Variants in PPFIA2 observed in about 807,000 individuals in gnomAD.
PPFIA2 encodes the protein liprin-alpha-2.
PPFIA2 carries 46 observed loss-of-function variants against 175.5 expected under a neutral mutation model. That is an observed-to-expected ratio of 0.26 (90% CI 0.21 to 0.34). PPFIA2 has a LOEUF of 0.34. Among genes scored for constraint, PPFIA2 ranks in the 10% least tolerant of loss-of-function variants. PPFIA2 has a pLI of 1.00. For synonymous variants in PPFIA2, 568 were observed against 511.4 expected (o/e 1.11, Z -1.49); for missense variants, 1,179 against 1,506.1 (o/e 0.78, Z 3.60).
chr12:81,610,582 G>T (rs1283711777), intron 4 of PPFIA2, among the ~76,000 whole-genome samples: 2 of 152,102 alleles, frequency 1.3e-5, no homozygotes, highest in Admixed American at 1.3e-4. Context: ...TAGAAGTTCA[G>T]TTTGGTTCTT....
At chr12:81,543,503 A>G (rs1457744443) in intron 4 of PPFIA2, among the ~76,000 whole-genome samples, 1 of 152,218 alleles carries the variant, frequency 6.6e-6, no homozygotes, top group Non-Finnish European at 1.5e-5. Flanking sequence ...TGATGATATA[A>G]GTAAATAAAT....
At chr12:81,590,452 T>G (rs2058542444) in intron 4 of PPFIA2, among the ~76,000 whole-genome samples, 1 of 152,164 alleles carries the variant, frequency 6.6e-6, no homozygotes, top group Admixed American at 6.6e-5. Flanking sequence ...TTACCATTAG[T>G]ATCTTTTTTC....
chr12:81,494,876 T>C lies in PPFIA2; in HGVS notation c.304-37010A>G, dbSNP rs1401999722. Among the ~76,000 whole-genome samples the C allele has an allele frequency of 8.8e-5, 12 of 136,492 alleles. No homozygotes were observed. In the South Asian group the frequency reaches 1.9e-3, roughly 21 times the overall value. The allele number at this position is 136,492 out of a possible 152,430, so 89.5% of individuals were successfully genotyped here. A position where few individuals can be genotyped will look rare whatever the true frequency, so the allele number is the denominator to read the frequency against. The stretch of plus-strand genomic sequence containing the variant: ...ACCAAACACCGCATGTTCTCACTCA[T>C]AGGTGGGAATTGAACAATGAGAACA... On this transcript the variant is annotated intron_variant, in intron 4 of 32. Transcript: ENST00000549396.
intron 4 of PPFIA2, among the ~76,000 whole-genome samples, chr12:81,464,379 T>G (rs2055196576): frequency 6.6e-6 from 1 of 152,138 alleles, no homozygotes; most frequent in Non-Finnish European, 1.5e-5. Context: ...AAACCCATTC[T>G]ATTGTATGGC....
At chr12:81,485,412 T>C (rs1371629572) in intron 4 of PPFIA2, among the ~76,000 whole-genome samples, 3 of 151,810 alleles carry the variant, frequency 2.0e-5, no homozygotes, top group Non-Finnish European at 4.4e-5. Flanking sequence ...ATCCTTAACC[T>C]ATAAGTTAGT....
At chr12:81,741,768 A>G (rs1319849776) in intron 3 of PPFIA2, among the ~76,000 whole-genome samples, 1 of 152,164 alleles carries the variant, frequency 6.6e-6, no homozygotes, top group East Asian at 1.9e-4. Context: ...CTCAGAGAGC[A>G]TAGAGCCCAA....
intron 4 of PPFIA2, among the ~76,000 whole-genome samples, chr12:81,643,234 T>G (rs921517160): frequency 5.3e-5 from 8 of 151,806 alleles, no homozygotes; most frequent in African/African-American, 1.9e-4. Context: ...TGAAACTCAT[T>G]CAGAATAACT....
intron 7 of PPFIA2, among the ~76,000 whole-genome samples, chr12:81,424,236 A>G (rs955664062): frequency 2.0e-5 from 3 of 152,096 alleles, no homozygotes; most frequent in African/African-American, 7.2e-5. Context: ...ATAACTTGGG[A>G]AAAATAGATA....
intron 22 of PPFIA2, among the ~76,000 whole-genome samples, chr12:81,305,266 A>G (rs577889181): frequency 2.8e-4 from 43 of 152,302 alleles, no homozygotes; most frequent in African/African-American, 9.9e-4. Flanking sequence ...TATTCAATAG[A>G]TAACTAATTT....
chr12:81,735,776 G>T (rs1341379393), intron 3 of PPFIA2, among the ~76,000 whole-genome samples: 2 of 151,732 alleles, frequency 1.3e-5, no homozygotes, highest in African/African-American at 4.8e-5. Flanking sequence ...GTTTGGTAAG[G>T]TTCTAAATTA....
At position 81,684,073 on chromosome 12, in the gene PPFIA2, G is replaced by A. The variant is rs372846739; in HGVS notation, c.250-7229C>T. ...GTAGGTACCATTTCCAACATTAGGT[G>A]TCAAATTTCAACATGAGGTTTGAAG... On this transcript the variant is annotated intron_variant, in intron 3 of 32. Transcript: ENST00000549396. 1.6e-4 allele frequency among the ~76,000 whole-genome samples: 24 copies of A among 152,216 alleles called. 1 individual carries two copies. The South Asian group carries it at 5.0e-3, about 32-fold the overall frequency.
At chr12:81,568,700 C>A (rs2071858381) in intron 4 of PPFIA2, among the ~76,000 whole-genome samples, 1 of 152,148 alleles carries the variant, frequency 6.6e-6, no homozygotes, top group South Asian at 2.1e-4. Flanking sequence ...ACCATCCCTC[C>A]ACCTTGATAT....
intron 16 of PPFIA2, among the ~76,000 whole-genome samples, chr12:81,353,591 G>C (rs1412171615): frequency 2.0e-5 from 3 of 152,024 alleles, no homozygotes; most frequent in Non-Finnish European, 4.4e-5. Context: ...ATGTTTTATA[G>C]TTCAATCATA....
At chr12:81,529,094 T>C (rs909941984) in intron 4 of PPFIA2, among the ~76,000 whole-genome samples, 2 of 152,082 alleles carry the variant, frequency 1.3e-5, no homozygotes, top group Non-Finnish European at 2.9e-5. Context: ...GCAACTAGCA[T>C]GACTTCATCT....
chr12:81,631,154 C>A (rs1038376893), intron 4 of PPFIA2, among the ~76,000 whole-genome samples: 15 of 152,056 alleles, frequency 9.9e-5, no homozygotes, highest in Non-Finnish European at 1.5e-5. Flanking sequence ...CCTCAGTTTC[C>A]CAAAGTGCTG....
intron 4 of PPFIA2, among the ~76,000 whole-genome samples, chr12:81,480,575 A>G (rs1418887912): frequency 6.6e-6 from 1 of 151,922 alleles, no homozygotes; most frequent in Non-Finnish European, 1.5e-5. Context: ...GATGTTGGTG[A>G]CCTTCGGATG....
At chr12:81,339,419 A>G (rs1272229270) in intron 20 of PPFIA2, 85 bp from the exon 21 acceptor site, 3 of 1,070,600 alleles carry the variant, frequency 2.8e-6, no homozygotes, top group Non-Finnish European at 3.7e-6. Flanking sequence ...CCAAAGGAGG[A>G]ACAAGCAGAC....
At chr12:81,536,508 A>C (rs563048517) in intron 4 of PPFIA2, among the ~76,000 whole-genome samples, 1 of 151,368 alleles carries the variant, frequency 6.6e-6, no homozygotes, top group Admixed American at 6.6e-5. Context: ...CAGAAAATTA[A>C]AAAAAGAAAA....
intron 9 of PPFIA2, among the ~76,000 whole-genome samples, chr12:81,383,795 C>T (rs1243056751): frequency 1.3e-5 from 2 of 152,100 alleles, no homozygotes; most frequent in African/African-American, 2.4e-5. Context: ...TTTGTTATAT[C>T]TGACCCTTGA....
Sources: allele counts gnomAD v4.1 joint callset (sites outside exome capture counted in the v4.1 genomes callset), GRCh38; gene constraint gnomAD v4.1.1; transcripts MANE v1.5; gene names NCBI Gene and HGNC (gene_info 2026-07-23, HGNC 2026-07-21).